SPTBN1: variants seen among roughly 807,000 people sequenced by gnomAD.
The protein encoded by SPTBN1 is spectrin beta chain, non-erythrocytic 1.
In SPTBN1, 32 loss-of-function variants were observed where a neutral mutation model predicts 266.4. The observed-to-expected ratio is 0.12, with a 90% confidence interval of 0.09 to 0.16. The LOEUF is 0.16. SPTBN1 is among the 10% of genes least tolerant of loss of function. SPTBN1 has a pLI of 1.00. For missense variants in SPTBN1, 2,296 were observed against 3,067.1 expected (o/e 0.75, Z 5.94); for synonymous variants, 1,336 against 1,162.2 (o/e 1.15, Z -3.04).
intron 17 of SPTBN1, among the ~76,000 whole-genome samples, chr2:54,633,529 G>C (rs144130026): frequency 5.3e-5 from 8 of 152,178 alleles, no homozygotes; most frequent in Non-Finnish European, 1.2e-4. Flanking sequence ...CTCTTGCCTT[G>C]CCCCGGTTAC....
At chr2:54,635,292 C>G (rs193052275) in intron 17 of SPTBN1, among the ~76,000 whole-genome samples, 1 of 152,330 alleles carries the variant, frequency 6.6e-6, no homozygotes, top group African/African-American at 2.4e-5. Context: ...GAATGATGTC[C>G]GTTGCACTAG....
At chr2:54,578,778 GA>G (rs1462602785) in intron 2 of SPTBN1, among the ~76,000 whole-genome samples, 12 of 149,400 alleles carry the variant, frequency 8.0e-5, no homozygotes, top group African/African-American at 2.5e-5. Context: ...GTGTGTGTGT[GA>G]TGATAATTCT....
In SPTBN1 at chr2:54,558,908, C is replaced by T; in HGVS notation, c.148+32342C>T. The T allele has an allele frequency of 1.2e-6, 2 of 1,609,390 alleles. No homozygotes were observed. The highest frequency in any genetic ancestry group is 1.7e-6 in the Non-Finnish European group (2 of 1,177,564). On this transcript the variant is annotated intron_variant, in intron 2 of 35. Coordinates refer to ENST00000356805, the MANE Select transcript of SPTBN1 (RefSeq NM_003128.3). The surrounding 1 kb of genome is among the most constrained non-coding windows in gnomAD (Gnocchi z 4.6). ...GCAAGGTAAGCCCCCTCCCAAAGGC[C>T]GGGCCTGTCCTGGGTGCCAACGGGG...
chr2:54,486,987 T>C (rs1668431390), intron 1 of SPTBN1, among the ~76,000 whole-genome samples: 1 of 152,126 alleles, frequency 6.6e-6, no homozygotes. Flanking sequence ...CAAACGGCGC[T>C]GAGGACCAGT....
Position 54,571,546 on chromosome 2 carries a change from TAC to T in SPTBN1, c.149-27518_149-27517del, listed in dbSNP as rs71408769. ...CCTATTACTGTTCCCTAATTGTATG[TAC>T]ACACACACACACACACACACACACA... On this transcript the variant is annotated intron_variant, in intron 2 of 35. Coordinates refer to ENST00000356805, the MANE Select transcript of SPTBN1 (RefSeq NM_003128.3). 3.6e-3 allele frequency among the ~76,000 whole-genome samples: 487 copies of T among 134,364 alleles called. 5 individuals carry two copies. The highest frequency in any genetic ancestry group is 7.0e-3 in the African/African-American group (219 of 31,370). 88.1% of individuals were successfully genotyped at this position (134,364 alleles called of 152,430 possible). A position where few individuals can be genotyped will look rare whatever the true frequency, so the allele number is the denominator to read the frequency against.
chr2:54,481,798 C>T (rs183738192), intron 1 of SPTBN1, among the ~76,000 whole-genome samples: 6 of 152,182 alleles, frequency 3.9e-5, no homozygotes, highest in East Asian at 1.9e-4. Flanking sequence ...GCTGTTTGTT[C>T]GGAGTACTAG....
chr2:54,638,378 A>C (rs951714477), intron 18 of SPTBN1, among the ~76,000 whole-genome samples: 7 of 152,266 alleles, frequency 4.6e-5, no homozygotes, highest in Admixed American at 4.6e-4. Flanking sequence ...TAAGAAGCAG[A>C]GATTTTCAAA....
intron 1 of SPTBN1, among the ~76,000 whole-genome samples, chr2:54,506,571 T>C (rs554001674): frequency 5.9e-5 from 9 of 152,088 alleles, no homozygotes; most frequent in Non-Finnish European, 1.3e-4. Context: ...TCTAATACTC[T>C]TCGAAGCTGA....
At chr2:54,542,089 CATTT>C (rs1217595879) in intron 2 of SPTBN1, among the ~76,000 whole-genome samples, 1 of 152,150 alleles carries the variant, frequency 6.6e-6, no homozygotes, top group Admixed American at 6.5e-5. Flanking sequence ...TTGTTTCATT[CATTT>C]ATTAGTGAAT....
Position 54,601,485 on chromosome 2 carries a change from C to T in SPTBN1, c.300+2242C>T, listed in dbSNP as rs190712334. Reference sequence around the variant, plus strand: ...TCCCTGCAGAAGACCTCCATGAGAGCTTGCCCCAAAGGTTCCTTGCATATT... The same window carrying T: ...TCCCTGCAGAAGACCTCCATGAGAGTTTGCCCCAAAGGTTCCTTGCATATT... On this transcript the variant is annotated intron_variant, in intron 3 of 35. Transcript: ENST00000356805. Among the ~76,000 whole-genome samples the T allele has an allele frequency of 1.9e-3, 295 of 152,298 alleles. 2 individuals carry two copies. Among genetic ancestry groups the T allele is most frequent in the African/African-American group, 6.7e-3 (280 of 41,564 alleles).
At chr2:54,564,240 A>G (rs1673519995) in intron 2 of SPTBN1, among the ~76,000 whole-genome samples, 1 of 152,226 alleles carries the variant, frequency 6.6e-6, no homozygotes, top group Non-Finnish European at 1.5e-5. Flanking sequence ...GTTATATAGA[A>G]GAGGAAGGTG....
intron 3 of SPTBN1, among the ~76,000 whole-genome samples, chr2:54,609,753 C>A (rs906674004): frequency 1.3e-5 from 2 of 152,172 alleles, no homozygotes; most frequent in African/African-American, 2.4e-5. Context: ...CAGCCTCTTA[C>A]TGGCAAGGTA....
Position 54,558,814 on chromosome 2 carries a change from G to A in SPTBN1, c.148+32248G>A. 1 of 1,613,648 alleles carries A rather than the reference G, an allele frequency of 6.2e-7. No homozygotes were observed. Among genetic ancestry groups the A allele is most frequent in the East Asian group, 2.2e-5 (1 of 44,812 alleles). ...AGAGGACGTCTAGTATCTCCGGGCC[G>A]CTGTCGCCGGCGTACACGGGGCAGG... On this transcript the variant is annotated intron_variant, in intron 2 of 35. Coordinates refer to ENST00000356805, the MANE Select transcript of SPTBN1 (RefSeq NM_003128.3). This position sits in a 1 kb window ranked among gnomAD's most constrained non-coding sequence, Gnocchi z 4.6.
At chr2:54,544,348 A>G (rs1198467024) in intron 2 of SPTBN1, among the ~76,000 whole-genome samples, 2 of 152,118 alleles carry the variant, frequency 1.3e-5, no homozygotes, top group East Asian at 1.9e-4. Context: ...TAATGGGGGG[A>G]AAATCTTCTA....
chr2:54,510,865 T>C (rs1045882715), intron 1 of SPTBN1, among the ~76,000 whole-genome samples: 2 of 152,254 alleles, frequency 1.3e-5, no homozygotes, highest in African/African-American at 4.8e-5. Flanking sequence ...TTTGCTCTTA[T>C]ACCTGATTGA....
chr2:54,468,528 G>C (rs1291785981), intron 1 of SPTBN1, among the ~76,000 whole-genome samples: 2 of 152,100 alleles, frequency 1.3e-5, no homozygotes, highest in Non-Finnish European at 2.9e-5. Flanking sequence ...CACTCTTGCA[G>C]CTTATGCATG....
At chr2:54,462,656 A>G (rs1460436689) in intron 1 of SPTBN1, among the ~76,000 whole-genome samples, 1 of 152,180 alleles carries the variant, frequency 6.6e-6, no homozygotes, top group East Asian at 1.9e-4. Flanking sequence ...AGGACTGTAT[A>G]CTCTAGTATA....
In SPTBN1 at chr2:54,533,349, AGTGT is replaced by A. The variant is rs56027497; in HGVS notation, c.148+6826_148+6829del. On this transcript the variant is annotated intron_variant, in intron 2 of 35. Coordinates refer to ENST00000356805, the MANE Select transcript of SPTBN1 (RefSeq NM_003128.3). The surrounding 1 kb of genome is among the most constrained non-coding windows in gnomAD (Gnocchi z 4.2). The stretch of plus-strand genomic sequence containing the variant: ...AGTGAAACCCAGGCTAAAGGGGACT[AGTGT>A]GTGTGTGTGTGTGTGTGTGTGTGTG... Among the ~76,000 whole-genome samples the A allele has an allele frequency of 0.17, 24,290 of 141,618 alleles. 1,997 individuals carry two copies. The highest frequency in any genetic ancestry group is 0.28 in the East Asian group (1,344 of 4,750). 92.9% of individuals were successfully genotyped at this position (141,618 alleles called of 152,430 possible). A position where few individuals can be genotyped will look rare whatever the true frequency, so the allele number is the denominator to read the frequency against.
At position 54,644,518 on chromosome 2, in the gene SPTBN1, A is replaced by G. The variant is rs778690354; in HGVS notation, c.4201A>G (p.Ser1401Gly). ...AGACAAATGGCTGCACGGCCTGGAG[A>G]GTCAGATTCAGTCTGATGACTATGG... ...DLDKWLHGLE[S>G]QIQSDDYGKD... is the part of the protein sequence containing the mutation. The change falls in exon 20 of 36, where the codon AGT becomes GGT. Residue 1401 changes from serine to glycine, a missense_variant. Ser to Gly is a moderately conservative substitution (Grantham distance 56). Around this residue, in one of 12 missense-constraint regions of SPTBN1, gnomAD observed 386 missense variants for 486.1 expected, o/e 0.79. Transcript: ENST00000356805. 67 of 1,613,992 alleles carry G rather than the reference A, an allele frequency of 4.2e-5. No individual in the cohort carries two copies. In the Admixed American group the frequency reaches 1.0e-3, roughly 25 times the overall value.
Sources: allele counts gnomAD v4.1 joint callset (sites outside exome capture counted in the v4.1 genomes callset), GRCh38; gene constraint gnomAD v4.1.1; regional missense constraint gnomAD v4.1.1; non-coding constraint Gnocchi (gnomAD v3.1); transcripts MANE v1.5; gene names NCBI Gene and HGNC (gene_info 2026-07-23, HGNC 2026-07-21).